Variants in PCDHA13 observed in about 807,000 individuals in gnomAD.
PCDHA13 encodes the protein protocadherin alpha-13.
In PCDHA13, 54 loss-of-function variants were observed where a neutral mutation model predicts 64.8. That is an observed-to-expected ratio of 0.83 (90% confidence interval 0.67 to 1.04). PCDHA13 has a LOEUF of 1.04. PCDHA13 is among the 50% of genes least tolerant of loss of function. The pLI is 0.00. For synonymous variants in PCDHA13, 587 were observed against 564.4 expected (o/e 1.04, Z -0.57); for missense variants, 1,248 against 1,254.3 (o/e 0.99, Z 0.08).
At chr5:140,909,065 A>G (rs1402526950) in intron 1 of PCDHA13, among the ~76,000 whole-genome samples, 3 of 152,218 alleles carry the variant, frequency 2.0e-5, no homozygotes, top group Admixed American at 6.5e-5. Flanking sequence ...TGTCTCACCA[A>G]TAAGCCCAGT....
At chr5:140,968,460 C>T (rs1554230749) in intron 1 of PCDHA13, 3 of 1,613,978 alleles carry the variant, frequency 1.9e-6, no homozygotes, top group Non-Finnish European at 2.5e-6. Context: ...ACTGTGACTG[C>T]CAACGTATAT....
intron 1 of PCDHA13, among the ~76,000 whole-genome samples, chr5:140,925,025 C>T (rs1180931899): frequency 6.6e-6 from 1 of 151,492 alleles, no homozygotes; most frequent in Non-Finnish European, 1.5e-5. Context: ...ATGGGAGGAT[C>T]GCTTGAGCCC....
intron 1 of PCDHA13, among the ~76,000 whole-genome samples, chr5:140,974,165 G>T (rs1298109600): frequency 6.6e-6 from 1 of 152,164 alleles, no homozygotes; most frequent in Non-Finnish European, 1.5e-5. Flanking sequence ...TTTCTTTCAA[G>T]AATTTTAACT....
Position 141,010,284 on chromosome 5 carries a change from A to G in PCDHA13, c.*347A>G. 6.4e-7 allele frequency: 1 copy of G among 1,551,156 alleles called. No homozygotes were observed. Among genetic ancestry groups the G allele is most frequent in the Non-Finnish European group, 8.7e-7 (1 of 1,146,860 alleles). On this transcript the variant is annotated 3_prime_UTR_variant, in exon 4 of 4. Coordinates refer to ENST00000289272, the MANE Select transcript of PCDHA13 (RefSeq NM_018904.3). ...GCTCCGGGGATCCTGTCTTGATGACACTTGCAGGGCAGGCTGAAAAGTTTT... is the reference window on the plus strand; with the variant it reads ...GCTCCGGGGATCCTGTCTTGATGACGCTTGCAGGGCAGGCTGAAAAGTTTT...
At chr5:140,959,541 C>T (rs2095493793) in intron 1 of PCDHA13, among the ~76,000 whole-genome samples, 1 of 152,002 alleles carries the variant, frequency 6.6e-6, no homozygotes, top group Non-Finnish European at 1.5e-5. Flanking sequence ...TTCAGAGATG[C>T]TGTATAAATA....
intron 1 of PCDHA13, among the ~76,000 whole-genome samples, chr5:140,956,211 T>C (rs908749043): frequency 6.6e-6 from 1 of 152,198 alleles, no homozygotes; most frequent in African/African-American, 2.4e-5. Context: ...AAAGAGGGCA[T>C]CCTTGTCTTG....
At chr5:140,905,376 C>G in intron 1 of PCDHA13, among the ~76,000 whole-genome samples, 1 of 152,174 alleles carries the variant, frequency 6.6e-6, no homozygotes, top group East Asian at 1.9e-4. Context: ...GTTCTCTGTT[C>G]TGTTTCATAG....
chr5:140,907,863 C>T (rs763021038), intron 1 of PCDHA13, among the ~76,000 whole-genome samples: 4 of 152,208 alleles, frequency 2.6e-5, no homozygotes, highest in African/African-American at 7.2e-5. Context: ...TGAGGCCAGC[C>T]GTTGGTGAGC....
intron 1 of PCDHA13, among the ~76,000 whole-genome samples, chr5:140,953,252 T>C (rs557973424): frequency 3.3e-5 from 5 of 152,318 alleles, no homozygotes; most frequent in Admixed American, 1.3e-4. Context: ...TTCAGTTTAG[T>C]TCTTTTAGCT....
intron 1 of PCDHA13, chr5:140,968,189 TC>T: frequency 6.2e-7 from 1 of 1,614,034 alleles, no homozygotes; most frequent in Non-Finnish European, 8.5e-7. Context: ...GGACTCCTAT[TC>T]CATCTACATA....
rs191251073 is a variant in PCDHA13, at chr5:140,928,748, G to A, written c.2394+44086G>A. 503 of 1,614,114 alleles carry A rather than the reference G, an allele frequency of 3.1e-4. 5 individuals carry two copies. The East Asian group carries it at 1.0e-2, about 32-fold the overall frequency. Reference sequence around the variant, plus strand: ...ATTTCAGCCAATATAGGTGAGCTCCGTACTGCTCGCTTAGTTCTTCCCACT... The same window carrying A: ...ATTTCAGCCAATATAGGTGAGCTCCATACTGCTCGCTTAGTTCTTCCCACT... On this transcript the variant is annotated intron_variant, in intron 1 of 3. Transcript: ENST00000289272.
intron 3 of PCDHA13, among the ~76,000 whole-genome samples, chr5:140,990,571 G>A (rs996259729): frequency 6.6e-6 from 1 of 152,102 alleles, no homozygotes; most frequent in Non-Finnish European, 1.5e-5. Flanking sequence ...ACACCTGTTC[G>A]ATCTCTTTTC....
intron 1 of PCDHA13, chr5:140,926,986 C>A (rs782199565): frequency 8.1e-6 from 13 of 1,610,594 alleles, no homozygotes; most frequent in Non-Finnish European, 2.5e-6. Flanking sequence ...GGAGACGGAG[C>A]GGGGCGTAGC....
intron 1 of PCDHA13, chr5:140,926,803 C>T (rs2083562434): frequency 6.9e-7 from 1 of 1,454,300 alleles, no homozygotes; most frequent in Non-Finnish European, 9.0e-7. Flanking sequence ...GTGCTCTTCC[C>T]CGCGGCTCGT....
chr5:140,927,921 G>A, intron 1 of PCDHA13: 2 of 1,614,194 alleles, frequency 1.2e-6, no homozygotes, highest in South Asian at 1.1e-5. Context: ...TGGACTTCCT[G>A]ACTCTTTCGA....
chr5:140,922,275 C>T (rs782815629), intron 1 of PCDHA13, among the ~76,000 whole-genome samples: 1 of 152,052 alleles, frequency 6.6e-6, no homozygotes, highest in Non-Finnish European at 1.5e-5. Context: ...AAGATTGGAC[C>T]AAGATATGAA....
chr5:140,957,827 T>C (rs2095387768), intron 1 of PCDHA13, among the ~76,000 whole-genome samples: 1 of 150,810 alleles, frequency 6.6e-6, no homozygotes, highest in Admixed American at 6.7e-5. Flanking sequence ...TAAGAGAAAG[T>C]GTTAATTGAT....
chr5:140,980,810 GA>G (rs1410107766), intron 2 of PCDHA13, among the ~76,000 whole-genome samples: 5 of 152,024 alleles, frequency 3.3e-5, no homozygotes, highest in Non-Finnish European at 7.4e-5. Context: ...GTAATACATT[GA>G]ACATATTAAA....
intron 3 of PCDHA13, among the ~76,000 whole-genome samples, chr5:140,995,404 A>G (rs941348184): frequency 1.3e-5 from 2 of 152,184 alleles, no homozygotes; most frequent in Admixed American, 6.5e-5. Flanking sequence ...ATGGCTCGAG[A>G]TTTCATCACA....
Sources: allele counts gnomAD v4.1 joint callset (sites outside exome capture counted in the v4.1 genomes callset), GRCh38; gene constraint gnomAD v4.1.1; transcripts MANE v1.5; gene names NCBI Gene and HGNC (gene_info 2026-07-23, HGNC 2026-07-21).